The following ST8SIA6 variants were observed in gnomAD, a reference collection of about 807,000 sequenced individuals.
ST8SIA6 encodes the protein alpha-2,8-sialyltransferase 8F.
In ST8SIA6, 39 loss-of-function variants were observed where a neutral mutation model predicts 33.6. That is an observed-to-expected ratio of 1.16 (90% CI 0.90 to 1.52). ST8SIA6 has a LOEUF of 1.52. Among genes scored for constraint, ST8SIA6 ranks in the 40% most tolerant of loss-of-function variants. The probability of loss-of-function intolerance (pLI) is 0.00; values close to 1 mark genes in which losing one functional copy is unlikely to be tolerated. For synonymous variants in ST8SIA6, 172 were observed against 167.2 expected (o/e 1.03, Z -0.22); for missense variants, 441 against 443.8 (o/e 0.99, Z 0.06).
chr10:17,369,918 T>C (rs1749148503), intron 3 of ST8SIA6, among the ~76,000 whole-genome samples: 1 of 152,186 alleles, frequency 6.6e-6, no homozygotes, highest in African/African-American at 2.4e-5. Context: ...CTATTGTATC[T>C]TTGAGTCTAA....
chr10:17,340,231 G>A (rs1009239999), intron 4 of ST8SIA6, among the ~76,000 whole-genome samples: 1 of 152,074 alleles, frequency 6.6e-6, no homozygotes, highest in African/African-American at 2.4e-5. Context: ...CTTCCCACCA[G>A]TTCTCATCAG....
intron 2 of ST8SIA6, among the ~76,000 whole-genome samples, chr10:17,391,725 A>C (rs1266749983): frequency 2.6e-5 from 4 of 152,154 alleles, no homozygotes; most frequent in Admixed American, 6.5e-5. Context: ...TTGGAGGTGG[A>C]ACAAAAGAAA....
intron 6 of ST8SIA6, 72 bp from the exon 7 acceptor site, chr10:17,323,229 G>GTGCACGCACACACACACA: frequency 1.3e-6 from 1 of 793,956 alleles, no homozygotes; most frequent in Non-Finnish European, 2.1e-6. Flanking sequence ...ACATATGCGC[G>GTGCACGCACACACACACA]CACACACACA....
rs1847925557 is a variant in ST8SIA6 at position 17,321,065 on chromosome 10, T to C, written c.1010A>G (p.Asn337Ser). The C allele has an allele frequency of 6.2e-7, 1 of 1,614,064 alleles. No individual in the cohort carries two copies. The highest frequency in any genetic ancestry group is 8.5e-7 in the Non-Finnish European group (1 of 1,179,974). ...GGGCCAGAATCCATACAGCTTCACA[T>C]TTTTACACAGTTCCACTGCAACACT... Reference protein sequence around the residue: ...ITSVAVELCKNVKLYGFWPFS... With the variant: ...ITSVAVELCKSVKLYGFWPFS... Residue 337 changes from asparagine (N) to serine (S), a missense_variant, in exon 8 of 8, where the codon AAT becomes AGT. Transcript: ENST00000377602.
intron 3 of ST8SIA6, among the ~76,000 whole-genome samples, chr10:17,376,734 C>T (rs1849928174): frequency 6.6e-6 from 1 of 151,902 alleles, no homozygotes; most frequent in Non-Finnish European, 1.5e-5. Context: ...GATAAGATGG[C>T]TATAAAGCAT....
intron 3 of ST8SIA6, among the ~76,000 whole-genome samples, chr10:17,389,853 C>T (rs1009549699): frequency 3.9e-5 from 6 of 152,070 alleles, no homozygotes; most frequent in African/African-American, 9.7e-5. Flanking sequence ...GACAGGATTT[C>T]GGTCTGTCAC....
At chr10:17,330,349 C>T (rs1848257003) in intron 5 of ST8SIA6, among the ~76,000 whole-genome samples, 1 of 152,078 alleles carries the variant, frequency 6.6e-6, no homozygotes, top group Admixed American at 6.5e-5. Context: ...TCAAACTTTC[C>T]AAGGCTTTCC....
intron 2 of ST8SIA6, among the ~76,000 whole-genome samples, chr10:17,425,072 A>G (rs1851894242): frequency 6.6e-6 from 1 of 152,094 alleles, no homozygotes; most frequent in Non-Finnish European, 1.5e-5. Flanking sequence ...GCTTCATCTT[A>G]CCACCAGCTA....
intron 2 of ST8SIA6, among the ~76,000 whole-genome samples, chr10:17,418,949 T>G (rs1391763606): frequency 8.0e-6 from 1 of 125,522 alleles, no homozygotes; most frequent in Middle Eastern, 4.6e-3. Context: ...GCGGAGATCG[T>G]GCCACTGCCG....
chr10:17,320,701 A>G lies in ST8SIA6; in HGVS notation c.*177T>C. The G allele has an allele frequency of 3.3e-6, 2 of 614,884 alleles. No homozygotes were observed. Among genetic ancestry groups the G allele is most frequent in the Non-Finnish European group, 5.7e-6 (2 of 350,536 alleles). 38.1% of individuals were successfully genotyped at this position (614,884 alleles called of 1,614,324 possible). On this transcript the variant is annotated 3_prime_UTR_variant, in exon 8 of 8. Coordinates refer to ENST00000377602, the MANE Select transcript of ST8SIA6 (RefSeq NM_001004470.3). ...GTCCATGTTATAAGGAGAAAAAATG[A>G]AGATGAGAAGGATTGAATGACTTGC...
intron 4 of ST8SIA6, among the ~76,000 whole-genome samples, chr10:17,344,528 A>G (rs1848771841): frequency 6.6e-6 from 1 of 152,210 alleles, no homozygotes; most frequent in Non-Finnish European, 1.5e-5. Flanking sequence ...CACTCCAGTG[A>G]TTCAATTATC....
chr10:17,386,154 C>A (rs564243637), intron 3 of ST8SIA6, among the ~76,000 whole-genome samples: 88 of 150,414 alleles, frequency 5.9e-4, no homozygotes, highest in African/African-American at 2.1e-3. Flanking sequence ...GCACTCCAGT[C>A]TCGGCGACGG....
rs181837387 is a variant in ST8SIA6, at chr10:17,318,927, G to A, written c.*1951C>T. ...CTCACAGCAGGATATATGGAAGGTGGGATATATGCCCTACCAGGAAGAAAA... is the reference window on the plus strand; with the variant it reads ...CTCACAGCAGGATATATGGAAGGTGAGATATATGCCCTACCAGGAAGAAAA... On this transcript the variant is annotated 3_prime_UTR_variant, in exon 8 of 8. Coordinates refer to ENST00000377602, the MANE Select transcript of ST8SIA6 (RefSeq NM_001004470.3). Among the ~76,000 whole-genome samples the A allele has an allele frequency of 6.6e-6, 1 of 152,164 alleles. No homozygotes were observed. Among genetic ancestry groups the A allele is most frequent in the East Asian group, 1.9e-4 (1 of 5,168 alleles).
At chr10:17,438,062 C>T (rs779057933) in intron 2 of ST8SIA6, among the ~76,000 whole-genome samples, 2 of 152,132 alleles carry the variant, frequency 1.3e-5, no homozygotes, top group Non-Finnish European at 2.9e-5. Context: ...GCCTCTTTTA[C>T]TGCCTGTTGA....
At chr10:17,391,761 A>G (rs1850622383) in intron 2 of ST8SIA6, among the ~76,000 whole-genome samples, 1 of 152,196 alleles carries the variant, frequency 6.6e-6, no homozygotes, top group Non-Finnish European at 1.5e-5. Context: ...GGTTAAGGAC[A>G]TGGGTTACAA....
intron 6 of ST8SIA6, among the ~76,000 whole-genome samples, chr10:17,324,360 A>G (rs1481126724): frequency 6.6e-6 from 1 of 152,124 alleles, no homozygotes; most frequent in Non-Finnish European, 1.5e-5. Context: ...TAAAATAAAT[A>G]CGGCACCTTG....
chr10:17,358,132 T>C (rs1004985614), intron 4 of ST8SIA6, among the ~76,000 whole-genome samples: 2 of 152,182 alleles, frequency 1.3e-5, no homozygotes, highest in Non-Finnish European at 2.9e-5. Context: ...AATGGTATCC[T>C]CCAGGAAGTC....
chr10:17,428,718 A>G (rs1852010363), intron 2 of ST8SIA6, among the ~76,000 whole-genome samples: 1 of 152,164 alleles, frequency 6.6e-6, no homozygotes. Context: ...ATTGATAGAA[A>G]AGGGGACAGG....
intron 3 of ST8SIA6, among the ~76,000 whole-genome samples, chr10:17,378,551 A>G (rs987116354): frequency 6.6e-6 from 1 of 152,140 alleles, no homozygotes; most frequent in Non-Finnish European, 1.5e-5. Context: ...GGGTGCCACA[A>G]AAGGTTTGGA....
Sources: allele counts gnomAD v4.1 joint callset (sites outside exome capture counted in the v4.1 genomes callset), GRCh38; gene constraint gnomAD v4.1.1; transcripts MANE v1.5; gene names NCBI Gene and HGNC (gene_info 2026-07-23, HGNC 2026-07-21).